The following ARAP1 variants were observed in gnomAD, a reference collection of about 807,000 sequenced individuals.
ARAP1 encodes ArfGAP with RhoGAP domain, ankyrin repeat and PH domain 1.
ARAP1 carries 76 observed loss-of-function variants against 172.2 expected under a neutral mutation model. The observed-to-expected ratio is 0.44, with a 90% CI of 0.37 to 0.53. ARAP1 has a LOEUF of 0.53. Ranked by LOEUF, ARAP1 falls within the 20% of genes least tolerant of loss-of-function variation. The pLI is 0.00. For missense variants in ARAP1, 1,686 were observed against 1,977.5 expected (o/e 0.85, Z 2.80); for synonymous variants, 804 against 803.3 (o/e 1.00, Z -0.01).
intron 30 of ARAP1, 107 bp from the exon 31 acceptor site, chr11:72,688,644 T>C (rs1855794341): frequency 2.1e-6 from 2 of 949,986 alleles, no homozygotes; most frequent in Non-Finnish European, 3.2e-6. Flanking sequence ...CCTCTTTGCA[T>C]CCCAGCACAG....
At chr11:72,697,793 G>T in intron 19 of ARAP1, 118 bp downstream of exon 19, 1 of 1,482,340 alleles carries the variant, frequency 6.7e-7, no homozygotes, top group Non-Finnish European at 9.1e-7. Context: ...ACATGAGAGG[G>T]CAGGATGGCG....
rs149144332 is a variant in ARAP1 at position 72,709,914 on chromosome 11, C to T, written c.1479G>A (p.Val493=). ...IDMSVGNVKE[V]DRRSFDLTTP... The stretch of plus-strand genomic sequence containing the variant: ...TGGTGAGGTCGAAGCTGCGCCGGTC[C>T]ACTTCCTTCACGTTGCCCACGCTCA... The change falls in exon 11 of 35, where the codon GTG becomes GTA. Residue 493 remains valine, a synonymous_variant. Coordinates refer to ENST00000393609, the MANE Select transcript of ARAP1 (RefSeq NM_001040118.3). 219 of 1,614,054 alleles carry T rather than the reference C, an allele frequency of 1.4e-4. 1 individual carries two copies. In the African/African-American group the frequency reaches 2.7e-3, roughly 20 times the overall value.
chr11:72,712,515 C>T lies in ARAP1; in HGVS notation c.801G>A (p.Leu267=). 1 of 1,613,716 alleles carries T rather than the reference C, an allele frequency of 6.2e-7. No homozygotes were observed. Among genetic ancestry groups the T allele is most frequent in the African/African-American group, 1.3e-5 (1 of 75,040 alleles). Residue 267 remains leucine (L), a synonymous_variant, in exon 6 of 35, where the codon CTG becomes CTA. Transcript: ENST00000393609. ...CCCCAGACAGTTCCTCTCCCTCGCT[C>T]AGCAGACTGGCCACGCGCACGGCCC... ...VPRAVRVASL[L]SEGEELSGDD... is the part of the protein sequence containing the mutation.
intron 7 of ARAP1, among the ~76,000 whole-genome samples, chr11:72,711,834 T>C (rs1244544463): frequency 1.3e-5 from 2 of 151,400 alleles, no homozygotes; most frequent in African/African-American, 4.9e-5. Flanking sequence ...TAGCCAAAAC[T>C]ACAGGCATGA....
intron 14 of ARAP1, 113 bp downstream of exon 14, chr11:72,704,039 T>C (rs1856643038): frequency 1.4e-6 from 2 of 1,397,800 alleles, no homozygotes; most frequent in Admixed American, 2.0e-5. Context: ...TTTCCCCATA[T>C]GCCAAGACAT....
intron 21 of ARAP1, 42 bp downstream of exon 21, chr11:72,697,281 C>T (rs1187438751): frequency 6.3e-7 from 1 of 1,583,808 alleles, no homozygotes; most frequent in Non-Finnish European, 8.6e-7. Context: ...GGAGGCGGCT[C>T]TCCGGGAGGG....
rs564779592 is a variant in ARAP1, at chr11:72,741,168, G to C, written c.-127-8571C>G. Among the ~76,000 whole-genome samples, 23 of 151,770 alleles carry C rather than the reference G, an allele frequency of 1.5e-4. No homozygotes were observed. Among genetic ancestry groups the C allele is most frequent in the African/African-American group, 4.4e-4 (18 of 41,294 alleles). On this transcript the variant is annotated intron_variant, in intron 1 of 34. Transcript: ENST00000393609. This position sits in a 1 kb window ranked among gnomAD's most constrained non-coding sequence, Gnocchi z 4.5. ...CATGTTTTGGGCACACCCCTGCCCT[G>C]CATCCACACTGCCCCCATTCAACCC...
chr11:72,701,878 T>C, intron 15 of ARAP1, 95 bp from the exon 16 acceptor site: 1 of 1,491,360 alleles, frequency 6.7e-7, no homozygotes, highest in East Asian at 2.3e-5. Flanking sequence ...AGGCTCACTT[T>C]CGAATCATCA....
intron 16 of ARAP1, among the ~76,000 whole-genome samples, chr11:72,701,224 G>A (rs774378206): frequency 1.3e-5 from 2 of 151,274 alleles, no homozygotes; most frequent in Admixed American, 1.3e-4. Context: ...GATTAGGGGG[G>A]TGGTTCAGAG....
At chr11:72,724,247 G>A (rs1044354738) in intron 3 of ARAP1, among the ~76,000 whole-genome samples, 3 of 152,084 alleles carry the variant, frequency 2.0e-5, no homozygotes, top group Admixed American at 6.5e-5. Flanking sequence ...ACACTGACTC[G>A]AGACACTGAG....
Position 72,710,914 on chromosome 11 carries a change from G to C in ARAP1, c.1213+107C>G. 1 of 1,566,676 alleles carries C rather than the reference G, an allele frequency of 6.4e-7. No homozygotes were observed. Among genetic ancestry groups the C allele is most frequent in the Admixed American group, 1.7e-5 (1 of 57,334 alleles). On this transcript the variant is annotated intron_variant, in intron 9 of 34. Transcript: ENST00000393609. This position sits in a 1 kb window ranked among gnomAD's most constrained non-coding sequence, Gnocchi z 4.3. ...AAAGGCAGCATGCCTCCCCGGATGT[G>C]ATGTGAGAGGGCAGATGCACCATGA...
At position 72,726,527 on chromosome 11, in the gene ARAP1, T is replaced by C; in HGVS notation, c.509+93A>G. 7.0e-7 allele frequency: 1 copy of C among 1,421,156 alleles called. No homozygotes were observed. The highest frequency in any genetic ancestry group is 9.2e-7 in the Non-Finnish European group (1 of 1,085,312). 88.0% of individuals were successfully genotyped at this position (1,421,156 alleles called of 1,614,324 possible). ...GTTCCCCCTGCACTTCCGAAGTGCC[T>C]TTCTTACCCCAGCACCAAAGGCCAC... is the stretch of plus-strand genomic sequence containing the variant. On this transcript the variant is annotated intron_variant, in intron 3 of 34. Transcript: ENST00000393609. This position sits in a 1 kb window ranked among gnomAD's most constrained non-coding sequence, Gnocchi z 6.5.
intron 30 of ARAP1, chr11:72,688,820 G>A (rs981062340): frequency 7.5e-6 from 3 of 400,164 alleles, no homozygotes; most frequent in Middle Eastern, 7.2e-4. Context: ...CTGTAACAGC[G>A]AATCCCAGCA....
chr11:72,735,661 C>T (rs1857998578), intron 1 of ARAP1, among the ~76,000 whole-genome samples: 1 of 152,188 alleles, frequency 6.6e-6, no homozygotes. Flanking sequence ...GCGTTTAACA[C>T]AGATTGATAG....
chr11:72,707,359 T>C lies in ARAP1; in HGVS notation c.1539A>G (p.Ser513=), dbSNP rs1205013349. 1.2e-6 allele frequency: 2 copies of C among 1,612,272 alleles called. No homozygotes were observed. Among genetic ancestry groups the C allele is most frequent in the Non-Finnish European group, 8.5e-7 (1 of 1,179,132 alleles). The change falls in exon 12 of 35, where the codon TCA becomes TCG. Residue 513 remains serine, a synonymous_variant. Coordinates refer to ENST00000393609, the MANE Select transcript of ARAP1 (RefSeq NM_001040118.3). ...CCAACCACTGCTCCTTCTCTAGCTC[T>C]GAGTCAGCAGAGAAGCTGGGGACAT... ...PYRIFSFSAD[S]ELEKEQWLEA...
At chr11:72,704,562 A>G in intron 13 of ARAP1, 1 of 524,608 alleles carries the variant, frequency 1.9e-6, no homozygotes. Context: ...CAGGACAGGG[A>G]GTCAGCAGAC....
intron 7 of ARAP1, 66 bp downstream of exon 7, chr11:72,712,130 G>A: frequency 6.7e-7 from 1 of 1,485,266 alleles, no homozygotes; most frequent in South Asian, 1.4e-5. Flanking sequence ...CAGTGTCCTG[G>A]GGTCCTGGAC....
chr11:72,742,050 A>G (rs11235579), intron 1 of ARAP1, among the ~76,000 whole-genome samples: 27,659 of 152,042 alleles, frequency 0.18, 3,870 homozygotes, highest in African/African-American at 0.39. Flanking sequence ...TGTTGGCTGG[A>G]GAGGGTGACC....
At chr11:72,706,884 C>T (rs1024566776) in intron 12 of ARAP1, among the ~76,000 whole-genome samples, 15 of 152,232 alleles carry the variant, frequency 9.9e-5, no homozygotes, top group Admixed American at 9.8e-4. Context: ...GAACACCAGA[C>T]CCCAACAAGC....
Sources: gnomAD v4.1 joint callset for allele counts (sites outside exome capture counted in the v4.1 genomes callset) on GRCh38, gnomAD v4.1.1 for gene constraint, Gnocchi (gnomAD v3.1) non-coding constraint, MANE v1.5 for transcripts, NCBI Gene and HGNC (gene_info 2026-07-23, HGNC 2026-07-21) for gene names.